RORA: variants seen among roughly 807,000 people sequenced by gnomAD.
The protein encoded by RORA is RAR related orphan receptor A.
A neutral mutation model predicts 69.5 loss-of-function variants in RORA; 7 were observed. The ratio of observed to expected loss-of-function variants is 0.10; its 90% CI spans 0.06 to 0.19. The LOEUF (loss-of-function observed/expected upper bound fraction) is 0.19, where lower values mean the gene tolerates loss of function less well. Among genes scored for constraint, RORA ranks in the 10% least tolerant of loss-of-function variants. RORA has a pLI of 1.00. For missense variants in RORA, 457 were observed against 663.0 expected (o/e 0.69, Z 3.41); for synonymous variants, 261 against 240.8 (o/e 1.08, Z -0.78).
At chr15:60,508,492 G>C (rs529162032) in intron 5 of RORA, among the ~76,000 whole-genome samples, 1 of 152,290 alleles carries the variant, frequency 6.6e-6, no homozygotes, top group East Asian at 1.9e-4. Context: ...CACATAATTT[G>C]TGTCTATCCT....
chr15:61,191,401 C>A (rs2079798947), intron 1 of RORA, among the ~76,000 whole-genome samples: 1 of 151,010 alleles, frequency 6.6e-6, no homozygotes, highest in Non-Finnish European at 1.5e-5. Context: ...CAGTTCTGAT[C>A]AAGGGCACAT....
rs2079164224 is a variant in RORA at position 61,128,698 on chromosome 15, G to A, written c.166+100355C>T. Among the ~76,000 whole-genome samples the A allele has an allele frequency of 1.3e-5, 2 of 152,196 alleles. No homozygotes were observed. The highest frequency in any genetic ancestry group is 4.8e-5 in the African/African-American group (2 of 41,442). On this transcript the variant is annotated intron_variant, in intron 1 of 10. Transcript: ENST00000335670. The surrounding 1 kb of genome is among the most constrained non-coding windows in gnomAD (Gnocchi z 4.5). ...CATATGAATGCTGTGATATCTGTCA[G>A]GGAAGGGGAAATAACTCCTGAATTT...
At chr15:60,562,682 G>A (rs979077097) in intron 2 of RORA, among the ~76,000 whole-genome samples, 6 of 150,132 alleles carry the variant, frequency 4.0e-5, no homozygotes, top group African/African-American at 9.8e-5. Context: ...TCCTGACCTC[G>A]TGATCCACCC....
At position 60,497,541 on chromosome 15, in the gene RORA, G is replaced by T; in HGVS notation, c.1486C>A (p.Pro496Thr). ...EKLMAFKAIY[P>T]DIVRLHFPPL... is the part of the protein sequence containing the mutation. ...GGAAAATGAAGTCGCACAATGTCTG[G>T]GTATATTGCTTTAAATGCCATTAGC... Residue 496 changes from proline to threonine, a missense_variant, in exon 11 of 11, where the codon CCA (proline) becomes ACA (threonine). This residue lies in a region of RORA where 304 missense variants were observed against 447.4 expected (regional missense o/e 0.68). Transcript: ENST00000335670. The T allele has an allele frequency of 1.9e-6, 3 of 1,613,298 alleles. No homozygotes were observed. The highest frequency in any genetic ancestry group is 2.5e-6 in the Non-Finnish European group (3 of 1,179,336).
At chr15:60,623,409 C>A (rs918963580) in intron 2 of RORA, among the ~76,000 whole-genome samples, 5 of 152,120 alleles carry the variant, frequency 3.3e-5, no homozygotes, top group Admixed American at 1.3e-4. Context: ...AAGCAGAAAG[C>A]AAAAATTAAA....
intron 1 of RORA, among the ~76,000 whole-genome samples, chr15:60,694,334 C>T (rs1228902304): frequency 1.3e-5 from 2 of 152,196 alleles, no homozygotes; most frequent in Non-Finnish European, 1.5e-5. Flanking sequence ...CCCATGCCCA[C>T]ATCAAAAGTC....
intron 1 of RORA, among the ~76,000 whole-genome samples, chr15:61,066,414 A>AT (rs1425630201): frequency 1.9e-4 from 24 of 123,692 alleles, no homozygotes; most frequent in African/African-American, 7.3e-4. Context: ...GACAGGGCAT[A>AT]TTCCTTTTTT....
chr15:60,696,576 T>A (rs1014623653), intron 1 of RORA, among the ~76,000 whole-genome samples: 1 of 152,140 alleles, frequency 6.6e-6, no homozygotes, highest in African/African-American at 2.4e-5. Flanking sequence ...CATCACCACA[T>A]ACGCCTTTGA....
At chr15:60,674,027 T>C (rs2070514384) in intron 2 of RORA, among the ~76,000 whole-genome samples, 1 of 152,228 alleles carries the variant, frequency 6.6e-6, no homozygotes, top group African/African-American at 2.4e-5. Flanking sequence ...AGGATCTGGA[T>C]GAAGGCCTAC....
intron 2 of RORA, among the ~76,000 whole-genome samples, chr15:60,592,142 GA>G (rs2068537654): frequency 6.6e-6 from 1 of 151,968 alleles, no homozygotes; most frequent in Non-Finnish European, 1.5e-5. Context: ...ACAGGAGCCG[GA>G]GGGGGCAGCA....
intron 2 of RORA, among the ~76,000 whole-genome samples, chr15:60,648,847 C>G (rs1466533685): frequency 6.6e-6 from 1 of 152,168 alleles, no homozygotes; most frequent in Non-Finnish European, 1.5e-5. Context: ...CCCAGTGTGT[C>G]TTATACTGAA....
chr15:60,867,333 G>C (rs2073501108), intron 1 of RORA, among the ~76,000 whole-genome samples: 1 of 152,174 alleles, frequency 6.6e-6, no homozygotes, highest in Admixed American at 6.5e-5. Context: ...GACATCTTAA[G>C]TGGGGGCAGT....
intron 1 of RORA, among the ~76,000 whole-genome samples, chr15:60,783,276 CTG>C (rs1199662716): frequency 6.6e-6 from 1 of 152,048 alleles, no homozygotes; most frequent in Non-Finnish European, 1.5e-5. Context: ...TTTGTACAGA[CTG>C]TACTAGGAGG....
intron 1 of RORA, among the ~76,000 whole-genome samples, chr15:61,065,485 T>C (rs2078244937): frequency 6.6e-6 from 1 of 152,182 alleles, no homozygotes; most frequent in Non-Finnish European, 1.5e-5. Context: ...GGTTAAACCA[T>C]GTCTCTGCAA....
At chr15:61,191,625 A>G (rs984121485) in intron 1 of RORA, among the ~76,000 whole-genome samples, 1 of 152,188 alleles carries the variant, frequency 6.6e-6, no homozygotes, top group African/African-American at 2.4e-5. Flanking sequence ...GTTCCTTCCA[A>G]TGGAATTGAG....
intron 1 of RORA, among the ~76,000 whole-genome samples, chr15:61,117,539 T>A (rs1045965181): frequency 6.6e-6 from 1 of 152,262 alleles, no homozygotes; most frequent in African/African-American, 2.4e-5. Flanking sequence ...CCTTTTCTCA[T>A]TTATAGAAAC....
chr15:60,658,271 T>A (rs2070253112), intron 2 of RORA, among the ~76,000 whole-genome samples: 1 of 151,990 alleles, frequency 6.6e-6, no homozygotes, highest in Non-Finnish European at 1.5e-5. Flanking sequence ...GCCAGGCTGG[T>A]CTCAAACTCC....
At chr15:60,668,800 C>T (rs757402038) in intron 2 of RORA, among the ~76,000 whole-genome samples, 2 of 152,174 alleles carry the variant, frequency 1.3e-5, no homozygotes, top group African/African-American at 4.8e-5. Flanking sequence ...GAAAATGCCT[C>T]ATCAGGACCT....
chr15:61,171,295 A>T (rs939015834), intron 1 of RORA, among the ~76,000 whole-genome samples: 1 of 152,102 alleles, frequency 6.6e-6, no homozygotes, highest in African/African-American at 2.4e-5. Flanking sequence ...TCTTGCTAGG[A>T]ACAGGAGAGC....
Sources: gnomAD v4.1 joint callset for allele counts (sites outside exome capture counted in the v4.1 genomes callset) on GRCh38, gnomAD v4.1.1 for gene constraint, gnomAD v4.1.1 regional missense constraint, Gnocchi (gnomAD v3.1) non-coding constraint, MANE v1.5 for transcripts, NCBI Gene and HGNC (gene_info 2026-07-23, HGNC 2026-07-21) for gene names.